The following SGCD variants were observed in gnomAD, a reference collection of about 807,000 sequenced individuals.
SGCD encodes delta-sarcoglycan.
A neutral mutation model predicts 36.6 loss-of-function variants in SGCD; 18 were observed. The observed-to-expected ratio is 0.49, with a 90% CI of 0.34 to 0.73. SGCD has a LOEUF of 0.73. Among genes scored for constraint, SGCD ranks in the 30% least tolerant of loss-of-function variants. The pLI is 0.01. For synonymous variants in SGCD, 133 were observed against 130.6 expected, an observed-to-expected ratio of 1.02 and a Z score of -0.12; for missense variants, 387 against 346.7, an observed-to-expected ratio of 1.12 and a Z score of -0.92.
chr5:156,078,313 A>G (rs1406735939), intron 1 of SGCD, among the ~76,000 whole-genome samples: 2 of 151,654 alleles, frequency 1.3e-5, no homozygotes, highest in African/African-American at 4.8e-5. Flanking sequence ...CAGAAGTTTG[A>G]GACAAGCCTG....
intron 7 of SGCD, among the ~76,000 whole-genome samples, chr5:156,754,872 C>T (rs1331811915): frequency 1.3e-5 from 2 of 152,162 alleles, no homozygotes; most frequent in Admixed American, 1.3e-4. Flanking sequence ...AGAACAAATT[C>T]TAAATGGAGT....
chr5:156,259,579 T>C (rs940137734), intron 3 of SGCD, among the ~76,000 whole-genome samples: 1 of 152,176 alleles, frequency 6.6e-6, no homozygotes, highest in Admixed American at 6.6e-5. Flanking sequence ...TATGTTTAGG[T>C]TTGTGATCCA....
At chr5:156,453,526 A>G (rs1754118961) in intron 3 of SGCD, among the ~76,000 whole-genome samples, 1 of 152,216 alleles carries the variant, frequency 6.6e-6, no homozygotes, top group African/African-American at 2.4e-5. Flanking sequence ...AGGTGGGTGG[A>G]TAAACCAGTG....
At chr5:156,038,958 C>T (rs1227575902) in intron 1 of SGCD, among the ~76,000 whole-genome samples, 1 of 152,164 alleles carries the variant, frequency 6.6e-6, no homozygotes, top group Non-Finnish European at 1.5e-5. Context: ...CTGACCATGT[C>T]ACCAGGGCCA....
chr5:156,451,806 G>C lies in SGCD; in HGVS notation c.193-56795G>C, dbSNP rs547416612. Among the ~76,000 whole-genome samples the C allele has an allele frequency of 1.1e-4, 17 of 152,256 alleles. No individual in the cohort carries two copies. The East Asian group carries it at 3.1e-3, about 28-fold the overall frequency. Reference sequence around the variant, plus strand: ...ATTCTGTCTGCACTGAGAAGTTATTGACATACTTAGCTAATGAATAATGAA... The same window carrying C: ...ATTCTGTCTGCACTGAGAAGTTATTCACATACTTAGCTAATGAATAATGAA... On this transcript the variant is annotated intron_variant, in intron 3 of 8. Coordinates refer to ENST00000337851, the MANE Select transcript of SGCD (RefSeq NM_000337.6).
intron 4 of SGCD, among the ~76,000 whole-genome samples, chr5:156,583,906 A>G (rs187336581): frequency 3.9e-5 from 6 of 152,318 alleles, no homozygotes; most frequent in African/African-American, 1.2e-4. Flanking sequence ...TTGAATTCCT[A>G]CATAACTACA....
intron 6 of SGCD, among the ~76,000 whole-genome samples, chr5:156,625,304 A>C (rs1464758844): frequency 2.6e-5 from 4 of 152,224 alleles, no homozygotes; most frequent in Non-Finnish European, 5.9e-5. Context: ...ATTAAACAAA[A>C]TGTCCAGGAT....
intron 3 of SGCD, among the ~76,000 whole-genome samples, chr5:156,242,803 G>A (rs1296331621): frequency 6.6e-6 from 1 of 152,230 alleles, no homozygotes; most frequent in South Asian, 2.1e-4. Flanking sequence ...TGGTGTTGGA[G>A]CCTGAGATGA....
chr5:156,106,838 C>T (rs1761660062), intron 1 of SGCD, among the ~76,000 whole-genome samples: 1 of 152,142 alleles, frequency 6.6e-6, no homozygotes, highest in Admixed American at 6.5e-5. Flanking sequence ...AACACTTTGA[C>T]ATTTATCTTT....
intron 1 of SGCD, among the ~76,000 whole-genome samples, chr5:156,042,554 C>T (rs1051587026): frequency 2.0e-5 from 3 of 152,138 alleles, no homozygotes; most frequent in Non-Finnish European, 2.9e-5. Flanking sequence ...TCAGTCTCCT[C>T]GAAAATTCAG....
At chr5:155,982,817 C>T (rs1758255443) in intron 1 of SGCD, among the ~76,000 whole-genome samples, 1 of 152,098 alleles carries the variant, frequency 6.6e-6, no homozygotes, top group East Asian at 1.9e-4. Flanking sequence ...CAGTTCCTAT[C>T]TCCAAAGTAT....
intron 1 of SGCD, among the ~76,000 whole-genome samples, chr5:156,007,121 C>A (rs2127569614): frequency 6.6e-6 from 1 of 152,318 alleles, no homozygotes; most frequent in South Asian, 2.1e-4. Flanking sequence ...CCGCAGGATC[C>A]TCTAGACTCA....
chr5:156,096,155 C>T (rs1441854526), intron 1 of SGCD, among the ~76,000 whole-genome samples: 2 of 152,206 alleles, frequency 1.3e-5, no homozygotes, highest in African/African-American at 4.8e-5. Context: ...ACCAGCAGCT[C>T]AGGGGAGACC....
intron 1 of SGCD, among the ~76,000 whole-genome samples, chr5:155,923,040 G>T (rs1174604280): frequency 6.6e-6 from 1 of 152,294 alleles, no homozygotes; most frequent in East Asian, 1.9e-4. Flanking sequence ...ACGAGCAGAT[G>T]ATTCTTACCA....
intron 7 of SGCD, among the ~76,000 whole-genome samples, chr5:156,734,901 A>G (rs1250238085): frequency 6.6e-6 from 1 of 152,174 alleles, no homozygotes; most frequent in African/African-American, 2.4e-5. Context: ...TAGTATGGTC[A>G]TTTGATAGGA....
the SGCD span, among the ~76,000 whole-genome samples, chr5:155,756,627 C>T: frequency 6.6e-6 from 1 of 152,158 alleles, no homozygotes; most frequent in African/African-American, 2.4e-5. Context: ...ATTTAATAAA[C>T]ATAAGCTGTT....
At chr5:156,620,515 G>A (rs1762203123) in intron 6 of SGCD, among the ~76,000 whole-genome samples, 1 of 152,214 alleles carries the variant, frequency 6.6e-6, no homozygotes, top group Non-Finnish European at 1.5e-5. Flanking sequence ...TAAGTAGATG[G>A]TAAGTGCTGA....
chr5:156,196,154 A>G (rs12054851), intron 3 of SGCD, among the ~76,000 whole-genome samples: 46,939 of 151,994 alleles, frequency 0.31, 7,723 homozygotes, highest in East Asian at 0.6. Flanking sequence ...ATATTGGGTC[A>G]CTACCTCTGT....
intron 4 of SGCD, among the ~76,000 whole-genome samples, chr5:156,520,627 C>T (rs1253662645): frequency 6.6e-6 from 1 of 152,152 alleles, no homozygotes; most frequent in Non-Finnish European, 1.5e-5. Context: ...TGCGACCCAA[C>T]TTCAAACTAT....
Sources: gnomAD v4.1 joint callset for allele counts (sites outside exome capture counted in the v4.1 genomes callset) on GRCh38, gnomAD v4.1.1 for gene constraint, MANE v1.5 for transcripts, NCBI Gene and HGNC (gene_info 2026-07-23, HGNC 2026-07-21) for gene names.